HAL: variants seen among roughly 807,000 people sequenced by gnomAD.
The protein encoded by HAL is histidase.
Under a neutral mutation model 81.1 loss-of-function variants are expected in HAL, and 85 were observed. The observed-to-expected ratio is 1.05, with a 90% CI of 0.88 to 1.25. HAL has a LOEUF of 1.25. Ranked by LOEUF, HAL falls within the 50% of genes most tolerant of loss-of-function variation. The pLI is 0.00. For missense variants in HAL, 798 were observed against 836.6 expected, an observed-to-expected ratio of 0.95 and a Z score of 0.57; for synonymous variants, 301 against 309.2, an observed-to-expected ratio of 0.97 and a Z score of 0.28.
chr12:95,974,594 C>A (rs1430910340), intron 20 of HAL, among the ~76,000 whole-genome samples: 2 of 152,146 alleles, frequency 1.3e-5, no homozygotes, highest in African/African-American at 2.4e-5. Flanking sequence ...TTTCTAAAGT[C>A]ATCATAAAGA....
chr12:95,976,462 G>A lies in HAL; in HGVS notation c.1800C>T (p.Ile600=), dbSNP rs137860207. 30 of 1,613,914 alleles carry A rather than the reference G, an allele frequency of 1.9e-5. No homozygotes were observed. The highest frequency in any genetic ancestry group is 1.8e-4 in the South Asian group (16 of 91,074). The change falls in exon 20 of 21, where the codon ATC becomes ATT. Residue 600 remains isoleucine (I), a synonymous_variant. Coordinates refer to ENST00000261208, the MANE Select transcript of HAL (RefSeq NM_002108.4). ...CCAGGAGCAGCCTGTGGGCTGCCTCGATGTCCGGGGCCATGAAGCGATCTT... is the reference window on the plus strand; with the variant it reads ...CCAGGAGCAGCCTGTGGGCTGCCTCAATGTCCGGGGCCATGAAGCGATCTT... ...WIKDRFMAPD[I]EAAHRLLLEQ... is the part of the protein sequence containing the mutation.
chr12:95,979,085 A>C (rs1159777006), intron 17 of HAL, among the ~76,000 whole-genome samples: 1 of 152,238 alleles, frequency 6.6e-6, no homozygotes, highest in Non-Finnish European at 1.5e-5. Context: ...GGGCCAAAAA[A>C]AGAAAAACAC....
Position 95,996,087 on chromosome 12 carries a change from C to G in HAL, c.-91G>C. The G allele has an allele frequency of 1.4e-6, 1 of 693,636 alleles. No homozygotes were observed. Among genetic ancestry groups the G allele is most frequent in the Non-Finnish European group, 2.5e-6 (1 of 402,600 alleles). 43.0% of individuals were successfully genotyped at this position (693,636 alleles called of 1,614,324 possible). On this transcript the variant is annotated 5_prime_UTR_variant, in exon 1 of 21. Transcript: ENST00000261208. The stretch of plus-strand genomic sequence containing the variant: ...ATATTTATTGAGGTACCTGCTGTCC[C>G]TTTGGTTTTTGTAGCCGAGCAGGGG...
intron 20 of HAL, among the ~76,000 whole-genome samples, chr12:95,974,960 G>A (rs188701736): frequency 3.3e-5 from 5 of 152,252 alleles, no homozygotes; most frequent in Non-Finnish European, 7.3e-5. Context: ...GGCTGGTCTC[G>A]AATTTCTGGC....
At chr12:95,986,664 C>T (rs74334526) in intron 12 of HAL, among the ~76,000 whole-genome samples, 21,043 of 151,978 alleles carry the variant, frequency 0.14, 1,870 homozygotes, top group Non-Finnish European at 0.21. Context: ...GTTGGGAGGT[C>T]GTCAAAATTC....
chr12:95,987,893 G>A (rs1459871643), intron 11 of HAL, among the ~76,000 whole-genome samples: 1 of 144,354 alleles, frequency 6.9e-6, no homozygotes, highest in South Asian at 2.4e-4. Flanking sequence ...CTTTTTTGGC[G>A]GGGCGGGGGG....
intron 8 of HAL, among the ~76,000 whole-genome samples, chr12:95,993,234 T>C (rs61078324): frequency 0.12 from 17,881 of 152,220 alleles, 1,296 homozygotes; most frequent in East Asian, 0.33. Flanking sequence ...GCATGGGACA[T>C]GTGTTCTCAT....
intron 15 of HAL, among the ~76,000 whole-genome samples, chr12:95,982,617 G>C (rs1393114007): frequency 6.6e-6 from 1 of 152,160 alleles, no homozygotes; most frequent in Non-Finnish European, 1.5e-5. Context: ...TATTTAGTGT[G>C]GGTTTGACTT....
intron 20 of HAL, among the ~76,000 whole-genome samples, chr12:95,975,362 TC>T (rs1240060476): frequency 1.4e-4 from 21 of 151,142 alleles, no homozygotes; most frequent in Non-Finnish European, 2.2e-4. Context: ...TTTTTTTTTT[TC>T]TTAAGCATAA....
chr12:95,989,465 C>T (rs751822654), intron 10 of HAL: 6 of 152,242 alleles, frequency 3.9e-5, no homozygotes, highest in East Asian at 1.9e-4. Context: ...GAGAGAAGAA[C>T]GTATTTGTAC....
rs77484124 is a variant in HAL, at chr12:95,980,481, T to A, written c.1519+75A>T. The A allele has an allele frequency of 4.1e-3, 5,711 of 1,407,984 alleles. 178 individuals carry two copies. The African/African-American group carries it at 0.068, about 17-fold the overall frequency. The allele number at this position is 1,407,984 out of a possible 1,614,324, so 87.2% of individuals were successfully genotyped here. A position where few individuals can be genotyped will look rare whatever the true frequency, so the allele number is the denominator to read the frequency against. On this transcript the variant is annotated intron_variant, in intron 17 of 20. Coordinates refer to ENST00000261208, the MANE Select transcript of HAL (RefSeq NM_002108.4). ...GTTAGATCTCACTCACAGACCACATTTGATACTTCTAGGTGAAATGGAAAG... is the reference window on the plus strand; with the variant it reads ...GTTAGATCTCACTCACAGACCACATATGATACTTCTAGGTGAAATGGAAAG...
intron 15 of HAL, among the ~76,000 whole-genome samples, chr12:95,981,947 G>A (rs1340696841): frequency 6.6e-6 from 1 of 152,218 alleles, no homozygotes; most frequent in Non-Finnish European, 1.5e-5. Flanking sequence ...AGTTAGAGAT[G>A]TATGTGTTAC....
chr12:95,974,248 T>C lies in HAL; in HGVS notation c.1958A>G (p.Glu653Gly), dbSNP rs1404895007. Residue 653 changes from glutamate to glycine, a missense_variant, in exon 21 of 21, where the codon GAG (glutamate) becomes GGG (glycine). By Grantham distance (98) the Glu-to-Gly change is moderately conservative (BLOSUM62 -2). Coordinates refer to ENST00000261208, the MANE Select transcript of HAL (RefSeq NM_002108.4). Reference sequence around the variant, plus strand: ...CAAAGCCCATTAAAGGTCCTCAGACTCCGGGATTTTGGTGGATTTCTTGTG... The same window carrying C: ...CAAAGCCCATTAAAGGTCCTCAGACCCCGGGATTTTGGTGGATTTCTTGTG... ...FLHKKSTKIPESEDL is the reference protein window; with the variant it reads ...FLHKKSTKIPGSEDL The C allele has an allele frequency of 1.9e-6, 3 of 1,613,938 alleles. No individual in the cohort carries two copies. The African/African-American group carries it at 4.0e-5, about 22-fold the overall frequency.
At chr12:95,988,123 A>C in intron 11 of HAL, 70 bp downstream of exon 11, 1 of 827,108 alleles carries the variant, frequency 1.2e-6, no homozygotes, top group South Asian at 1.4e-5. Flanking sequence ...TGAGGCTGAG[A>C]TTAAAACTGA....
At position 95,985,891 on chromosome 12, in the gene HAL, T is replaced by C. The variant is rs547191336; in HGVS notation, c.1206+17A>G. On this transcript the variant is annotated intron_variant, in intron 14 of 20. Coordinates refer to ENST00000261208, the MANE Select transcript of HAL (RefSeq NM_002108.4). ...ATTGGCATTTTTTATTGACCTTTTT[T>C]TTTTTCTTTATTTTACCTGTGGACA... is the stretch of plus-strand genomic sequence containing the variant. The C allele has an allele frequency of 2.5e-6, 4 of 1,580,262 alleles. No individual in the cohort carries two copies. The South Asian group carries it at 4.5e-5, about 18-fold the overall frequency.
rs370348964 is a variant in HAL at position 95,976,956 on chromosome 12, C to T, written c.1655-250G>A. Among the ~76,000 whole-genome samples the T allele has an allele frequency of 1.2e-4, 18 of 152,312 alleles. No individual in the cohort carries two copies. The East Asian group carries it at 2.3e-3, about 20-fold the overall frequency. On this transcript the variant is annotated intron_variant, in intron 18 of 20. Coordinates refer to ENST00000261208, the MANE Select transcript of HAL (RefSeq NM_002108.4). ...CCTGAATAATTACCAGACCTGCACA[C>T]CTACCCAGGAAGCTGCCCATTCATC...
intron 14 of HAL, 59 bp downstream of exon 14, chr12:95,985,848 TG>T: frequency 8.7e-7 from 1 of 1,155,806 alleles, no homozygotes; most frequent in Non-Finnish European, 1.3e-6. Flanking sequence ...ATCCTGAACC[TG>T]GGGAAAGAAA....
chr12:95,974,326 T>A lies in HAL; in HGVS notation c.1880A>T (p.His627Leu), dbSNP rs780634001. The stretch of plus-strand genomic sequence containing the variant: ...AGAAAGAGGTCTTGATTCTGGAATA[T>A]GCTCCATTCTGTATTTTTCAATGTA... ...APYIEKYRMEHIPESRPLSPT... is the reference protein window; with the variant it reads ...APYIEKYRMELIPESRPLSPT... Residue 627 changes from histidine to leucine, a missense_variant, in exon 21 of 21, where the codon CAT (histidine) becomes CTT (leucine). Physicochemically the swap from His to Leu is moderately conservative, Grantham distance 99 (BLOSUM62 -3). Coordinates refer to ENST00000261208, the MANE Select transcript of HAL (RefSeq NM_002108.4). 3.7e-6 allele frequency: 6 copies of A among 1,612,574 alleles called. No individual in the cohort carries two copies. Among genetic ancestry groups the A allele is most frequent in the South Asian group, 1.1e-5 (1 of 91,072 alleles).
At chr12:95,993,654 A>G in intron 7 of HAL, 118 bp downstream of exon 7, 1 of 838,834 alleles carries the variant, frequency 1.2e-6, no homozygotes, top group Non-Finnish European at 2.1e-6. Context: ...ATGCAAGGTA[A>G]CCCAAGCCTC....
Sources: gnomAD v4.1 joint callset for allele counts (sites outside exome capture counted in the v4.1 genomes callset) on GRCh38, gnomAD v4.1.1 for gene constraint, MANE v1.5 for transcripts, NCBI Gene and HGNC (gene_info 2026-07-23, HGNC 2026-07-21) for gene names.